The following LINGO2 variants were observed in gnomAD, a reference collection of about 807,000 sequenced individuals.
LINGO2 encodes the protein leucine-rich repeat and immunoglobulin-like domain-containing nogo receptor-interacting protein 2.
Under a neutral mutation model 30.6 loss-of-function variants are expected in LINGO2, and 14 were observed. The ratio of observed to expected loss-of-function variants is 0.46; its 90% confidence interval spans 0.30 to 0.72. The LOEUF (loss-of-function observed/expected upper bound fraction) is 0.72, where lower values mean the gene tolerates loss of function less well. LINGO2 is among the 30% of genes least tolerant of loss of function. The pLI is 0.07. For missense variants in LINGO2, 729 were observed against 751.7 expected (o/e 0.97, Z 0.35); for synonymous variants, 317 against 288.5 (o/e 1.10, Z -1.00).
At chr9:29,166,864 C>T in the LINGO2 span, among the ~76,000 whole-genome samples, 3 of 151,948 alleles carry the variant, frequency 2.0e-5, no homozygotes, top group East Asian at 1.9e-4. Flanking sequence ...TATTACTGAA[C>T]GCTCTTTCTT....
Position 27,957,178 on chromosome 9 carries a change from T to G in LINGO2, c.-35-6472A>C, listed in dbSNP as rs543175792. On this transcript the variant is annotated intron_variant, in intron 5 of 5. Transcript: ENST00000379992. ...CCTGGGGACCTTTATCAAAAATCAG[T>G]TGACCGTATATGCACATCTCCATTT... 2.0e-5 allele frequency among the ~76,000 whole-genome samples: 3 copies of G among 152,304 alleles called. No individual in the cohort carries two copies. In the South Asian group the frequency reaches 6.2e-4, roughly 32 times the overall value.
chr9:29,038,781 A>T, the LINGO2 span, among the ~76,000 whole-genome samples: 3 of 152,200 alleles, frequency 2.0e-5, no homozygotes, highest in Middle Eastern at 3.4e-3. Context: ...TTATTATCTT[A>T]AAAAGTATAA....
the LINGO2 span, among the ~76,000 whole-genome samples, chr9:28,791,398 C>A: frequency 4.6e-5 from 7 of 151,952 alleles, no homozygotes; most frequent in African/African-American, 1.7e-4. Flanking sequence ...TAATAAACCA[C>A]AGTAATGTAC....
intron 4 of LINGO2, among the ~76,000 whole-genome samples, chr9:28,096,442 C>A (rs920602817): frequency 2.0e-5 from 3 of 152,162 alleles, no homozygotes; most frequent in African/African-American, 4.8e-5. Flanking sequence ...CATGGAAGAT[C>A]TCATATAAAT....
intron 1 of LINGO2, among the ~76,000 whole-genome samples, chr9:28,564,932 G>A (rs1041828118): frequency 5.9e-5 from 9 of 152,088 alleles, no homozygotes; most frequent in African/African-American, 2.2e-4. Flanking sequence ...CCTGCCCTGA[G>A]GTTCTATGGT....
chr9:28,924,192 C>T, the LINGO2 span, among the ~76,000 whole-genome samples: 2 of 151,928 alleles, frequency 1.3e-5, no homozygotes, highest in East Asian at 1.9e-4. Flanking sequence ...CCAGCCTTTG[C>T]GCAAGTGATT....
At chr9:28,149,248 G>C (rs1321824966) in intron 4 of LINGO2, 8 of 753,692 alleles carry the variant, frequency 1.1e-5, no homozygotes, top group Middle Eastern at 3.8e-4. Flanking sequence ...CAAGCACTTT[G>C]GGAGGCCCAG....
At chr9:28,257,392 C>T (rs147679385) in intron 4 of LINGO2, among the ~76,000 whole-genome samples, 114 of 151,650 alleles carry the variant, frequency 7.5e-4, no homozygotes, top group African/African-American at 1.7e-3. Flanking sequence ...CATTCCAGTC[C>T]GCAGGAGAGT....
At chr9:28,226,634 GGAAAGAAGGAAAGAAAGAAA>G (rs763889050) in intron 4 of LINGO2, among the ~76,000 whole-genome samples, 7,995 of 82,112 alleles carry the variant, frequency 0.097, 380 homozygotes, top group South Asian at 0.14. Flanking sequence ...AAGGAAAGAA[GGAAAGAAGGAAAGAAAGAAA>G]GAAAGAAAGA....
At chr9:28,555,519 A>G (rs891911827) in intron 1 of LINGO2, among the ~76,000 whole-genome samples, 1 of 151,972 alleles carries the variant, frequency 6.6e-6, no homozygotes, top group African/African-American at 2.4e-5. Flanking sequence ...CTTACCAACC[A>G]ATAAGAGTCC....
the LINGO2 span, among the ~76,000 whole-genome samples, chr9:28,874,372 G>A: frequency 2.0e-5 from 3 of 151,744 alleles, no homozygotes; most frequent in Non-Finnish European, 4.4e-5. Context: ...AGCAAATAAT[G>A]GAAGAAAAAC....
At chr9:28,214,950 G>A (rs1392859862) in intron 4 of LINGO2, among the ~76,000 whole-genome samples, 6 of 151,670 alleles carry the variant, frequency 4.0e-5, no homozygotes. Context: ...GAGCACCAGA[G>A]GGATTAAATG....
the LINGO2 span, among the ~76,000 whole-genome samples, chr9:28,950,591 T>C: frequency 3.9e-5 from 6 of 152,070 alleles, no homozygotes; most frequent in Non-Finnish European, 4.4e-5. Flanking sequence ...AGCATTCCTA[T>C]ACAACAATAA....
At chr9:28,529,168 C>CAGT (rs1433230850) in intron 1 of LINGO2, among the ~76,000 whole-genome samples, 3 of 152,234 alleles carry the variant, frequency 2.0e-5, no homozygotes, top group Middle Eastern at 3.4e-3. Context: ...ATTCTCCTTC[C>CAGT]AGTACCTCAG....
intron 1 of LINGO2, among the ~76,000 whole-genome samples, chr9:28,601,111 C>T (rs1796073059): frequency 6.6e-6 from 1 of 151,944 alleles, no homozygotes; most frequent in African/African-American, 2.4e-5. Context: ...ATTTTCAAGT[C>T]CAATTTATTT....
chr9:28,544,974 G>A (rs999268088), intron 1 of LINGO2, among the ~76,000 whole-genome samples: 1 of 151,464 alleles, frequency 6.6e-6, no homozygotes, highest in East Asian at 1.9e-4. Flanking sequence ...TTTGGAAGAG[G>A]TACTATGTTA....
the LINGO2 span, among the ~76,000 whole-genome samples, chr9:29,096,965 A>G: frequency 7.2e-6 from 1 of 139,646 alleles, no homozygotes; most frequent in South Asian, 2.2e-4. Context: ...AATACTACAG[A>G]TAGGCAGAAA....
chr9:28,406,654 C>T (rs530533821), intron 2 of LINGO2, among the ~76,000 whole-genome samples: 9 of 152,256 alleles, frequency 5.9e-5, no homozygotes, highest in African/African-American at 2.2e-4. Context: ...ATGTATACTT[C>T]AGAAAATTTG....
intron 1 of LINGO2, among the ~76,000 whole-genome samples, chr9:28,506,522 A>AGATAGATAT (rs1564250917): frequency 7.3e-6 from 1 of 136,456 alleles, no homozygotes; most frequent in Non-Finnish European, 1.6e-5. Flanking sequence ...ATATATATAT[A>AGATAGATAT]AACTGTTGGG....
Sources: gnomAD v4.1 joint callset for allele counts (sites outside exome capture counted in the v4.1 genomes callset) on GRCh38, gnomAD v4.1.1 for gene constraint, MANE v1.5 for transcripts, NCBI Gene and HGNC (gene_info 2026-07-23, HGNC 2026-07-21) for gene names.